The following ZNF280C variants were observed in gnomAD, a reference collection of about 807,000 sequenced individuals.
The protein encoded by ZNF280C is zinc finger protein 280C.
A neutral mutation model predicts 53.6 loss-of-function variants in ZNF280C; 14 were observed. That is an observed-to-expected ratio of 0.26 (90% CI 0.17 to 0.41). The LOEUF (loss-of-function observed/expected upper bound fraction) is 0.41. Ranked by LOEUF, ZNF280C falls within the 10% of genes least tolerant of loss-of-function variation. The pLI is 1.00. For missense variants in ZNF280C, 416 were observed against 547.1 expected (o/e 0.76, Z 2.39); for synonymous variants, 203 against 181.1 (o/e 1.12, Z -0.97).
chrX:130,261,103 T>C (rs2032626484), intron 1 of ZNF280C, among the ~76,000 whole-genome samples: 1 of 112,294 alleles, frequency 8.9e-6, no homozygotes, highest in Non-Finnish European at 1.9e-5. Context: ...TAACTGTTCA[T>C]TGCCTTTTGT....
chrX:130,255,704 C>A lies in ZNF280C; in HGVS notation c.31+4715G>T, dbSNP rs184639759. 5.4e-3 allele frequency among the ~76,000 whole-genome samples: 603 copies of A among 111,700 alleles called. 2 individuals carry two copies. The highest frequency in any genetic ancestry group is 9.1e-3 in the Non-Finnish European group (482 of 53,065). ...GTGTGGTGGCCCAGGCCTGTAATCC[C>A]AGCACTTTCGGAGGCCAAGGCAGGT... On this transcript the variant is annotated intron_variant, in intron 2 of 18. Coordinates refer to ENST00000370978, the MANE Select transcript of ZNF280C (RefSeq NM_017666.5).
At position 130,255,947 on chromosome X, in the gene ZNF280C, G is replaced by C. The variant is rs142791189; in HGVS notation, c.31+4472C>G. ...TGCAATCTAGCCTGGGTGATGGAGAGTCTCACTCAAACAAACAAACAAGAA... is the reference window on the plus strand; with the variant it reads ...TGCAATCTAGCCTGGGTGATGGAGACTCTCACTCAAACAAACAAACAAGAA... On this transcript the variant is annotated intron_variant, in intron 2 of 18. Transcript: ENST00000370978. 6.7e-4 allele frequency among the ~76,000 whole-genome samples: 74 copies of C among 111,106 alleles called. 1 individual carries two copies. The highest frequency in any genetic ancestry group is 2.4e-3 in the African/African-American group (73 of 30,628).
intron 1 of ZNF280C, among the ~76,000 whole-genome samples, chrX:130,262,430 A>C (rs1329913561): frequency 8.9e-6 from 1 of 112,451 alleles, no homozygotes; most frequent in Non-Finnish European, 1.9e-5. Flanking sequence ...AAAATAAACA[A>C]ATACATACAA....
intron 2 of ZNF280C, among the ~76,000 whole-genome samples, chrX:130,254,136 C>T (rs768743371): frequency 8.9e-6 from 1 of 112,031 alleles, no homozygotes; most frequent in Admixed American, 9.4e-5. Flanking sequence ...GACATACATG[C>T]AGGCAACAAG....
At chrX:130,265,350 T>G (rs374590897) in intron 1 of ZNF280C, among the ~76,000 whole-genome samples, 2 of 112,152 alleles carry the variant, frequency 1.8e-5, no homozygotes, top group Non-Finnish European at 3.8e-5. Context: ...TACTTTATAC[T>G]CAGGGTATAG....
chrX:130,202,978 G>A lies in ZNF280C; in HGVS notation c.*1999C>T, dbSNP rs1398182830. On this transcript the variant is annotated 3_prime_UTR_variant, in exon 19 of 19. Transcript: ENST00000370978. ...TATTATGTATTAGATGTATAGAAAT[G>A]TAACTTTAAAACTTGTTTTAAGTTC... The A allele has an allele frequency of 9.0e-6, 1 of 111,694 alleles. No individual in the cohort carries two copies. The highest frequency in any genetic ancestry group is 1.9e-5 in the Non-Finnish European group (1 of 53,192). 9.2% of individuals were successfully genotyped at this position (111,694 alleles called of 1,213,427 possible).
intron 9 of ZNF280C, 106 bp downstream of exon 9, chrX:130,230,404 A>G (rs765910566): frequency 6.3e-6 from 3 of 473,593 alleles, no homozygotes; most frequent in Non-Finnish European, 1.0e-5. Context: ...CTTAGTAGAA[A>G]GTATTAGAAT....
intron 5 of ZNF280C, among the ~76,000 whole-genome samples, chrX:130,243,042 C>T (rs886216087): frequency 1.8e-5 from 2 of 111,737 alleles, no homozygotes; most frequent in East Asian, 5.5e-4. Flanking sequence ...AGCATATTAG[C>T]TGATTTATTA....
intron 14 of ZNF280C, 118 bp downstream of exon 14, chrX:130,215,669 TTTGC>T (rs761705755): frequency 1.4e-6 from 1 of 695,203 alleles, no homozygotes; most frequent in South Asian, 3.7e-5. Context: ...CTTTTTCTCA[TTTGC>T]TTGGTCTTTA....
chrX:130,248,912 T>A (rs1391096058), intron 2 of ZNF280C, among the ~76,000 whole-genome samples: 1 of 111,869 alleles, frequency 8.9e-6, no homozygotes. Context: ...AGAACATATG[T>A]GTATGTGCAC....
chrX:130,248,135 C>T (rs1000701299), intron 2 of ZNF280C, among the ~76,000 whole-genome samples: 1 of 97,092 alleles, frequency 1.0e-5, no homozygotes, highest in Non-Finnish European at 2.1e-5. Context: ...TAGATACAGA[C>T]AGGTGGAACA....
At chrX:130,259,354 CAT>C (rs2032606198) in intron 2 of ZNF280C, among the ~76,000 whole-genome samples, 1 of 112,150 alleles carries the variant, frequency 8.9e-6, no homozygotes, top group Non-Finnish European at 1.9e-5. Flanking sequence ...AAGGGAGACT[CAT>C]ATATACTGAT....
chrX:130,258,935 A>C (rs1008654711), intron 2 of ZNF280C, among the ~76,000 whole-genome samples: 9 of 111,912 alleles, frequency 8.0e-5, no homozygotes, highest in African/African-American at 2.6e-4. Flanking sequence ...ATATCTACCT[A>C]ATAGAAGTGG....
At chrX:130,246,682 T>C (rs2032453888) in intron 3 of ZNF280C, among the ~76,000 whole-genome samples, 177 bp downstream of exon 3, 1 of 112,119 alleles carries the variant, frequency 8.9e-6, no homozygotes, top group Non-Finnish European at 1.9e-5. Flanking sequence ...ACCTCCTTAC[T>C]CCAGTCCCCA....
chrX:130,251,282 C>CAAAAAAAAAAAAAAAAAAAAAAAA (rs61571389), intron 2 of ZNF280C, among the ~76,000 whole-genome samples: 1 of 15,339 alleles, frequency 6.5e-5, no homozygotes, highest in Non-Finnish European at 9.9e-5. Context: ...GGACCTGTCT[C>CAAAAAAAAAAAAAAAAAAAAAAAA]AAAAAAAAAA....
chrX:130,220,235 C>T, intron 13 of ZNF280C, 114 bp downstream of exon 13: 3 of 620,123 alleles, frequency 4.8e-6, no homozygotes, highest in Non-Finnish European at 6.8e-6. Context: ...ATATAGTTGC[C>T]CTAGTGAGCT....
At chrX:130,206,787 C>A (rs2031980404) in intron 16 of ZNF280C, among the ~76,000 whole-genome samples, 1 of 111,969 alleles carries the variant, frequency 8.9e-6, no homozygotes, top group African/African-American at 3.2e-5. Flanking sequence ...GGGAAAGTCT[C>A]TTTTATGATG....
intron 1 of ZNF280C, among the ~76,000 whole-genome samples, chrX:130,266,882 C>CACGAG (rs1256756817): frequency 9.0e-6 from 1 of 111,290 alleles, no homozygotes; most frequent in African/African-American, 3.3e-5. Context: ...GTGGGTGGAT[C>CACGAG]ACGAGGTCAG....
chrX:130,227,809 C>T (rs761045340), intron 10 of ZNF280C, 27 bp from the exon 11 acceptor site: 20 of 838,143 alleles, frequency 2.4e-5, no homozygotes, highest in Non-Finnish European at 3.4e-5. Context: ...ACACATTATA[C>T]CATTTAAGGA....
Sources: gnomAD v4.1 joint callset for allele counts (sites outside exome capture counted in the v4.1 genomes callset) on GRCh38, gnomAD v4.1.1 for gene constraint, MANE v1.5 for transcripts, NCBI Gene and HGNC (gene_info 2026-07-23, HGNC 2026-07-21) for gene names.